Variants in ARMC10 observed in about 807,000 individuals in gnomAD.
ARMC10 encodes the protein armadillo repeat-containing protein 10.
In ARMC10, 23 loss-of-function variants were observed where a neutral mutation model predicts 30.2. That is an observed-to-expected ratio of 0.76 (90% CI 0.55 to 1.08). The LOEUF (loss-of-function observed/expected upper bound fraction) is 1.08. Among genes scored for constraint, ARMC10 ranks in the 50% least tolerant of loss-of-function variants. The pLI, the probability that ARMC10 is intolerant of heterozygous loss-of-function variation, is 0.00. For missense variants in ARMC10, 303 were observed against 413.7 expected (o/e 0.73, Z 2.32); for synonymous variants, 111 against 164.4 (o/e 0.68, Z 2.48).
intron 2 of ARMC10, chr7:103,083,089 A>G (rs1035382204): frequency 3.1e-5 from 14 of 456,612 alleles, no homozygotes; most frequent in Non-Finnish European, 5.7e-5. Flanking sequence ...GGATGGGTGT[A>G]CCTCGTTTTT....
intron 3 of ARMC10, among the ~76,000 whole-genome samples, chr7:103,084,931 G>A (rs1800702030): frequency 6.6e-6 from 1 of 152,172 alleles, no homozygotes; most frequent in Non-Finnish European, 1.5e-5. Context: ...ATTGAGGCCT[G>A]GTTCACATGA....
chr7:103,084,036 A>G (rs1800620919), intron 3 of ARMC10: 1 of 1,507,242 alleles, frequency 6.6e-7, no homozygotes, highest in Non-Finnish European at 8.9e-7. Context: ...ATAGATCCCT[A>G]TGAAGTTGGT....
At chr7:103,087,684 C>A in intron 4 of ARMC10, 2 of 772,120 alleles carry the variant, frequency 2.6e-6, no homozygotes, top group Non-Finnish European at 3.1e-6. Flanking sequence ...AACAAATAAC[C>A]AAACTTTATT....
chr7:103,098,267 TATAAA>T, intron 6 of ARMC10, 27 bp from the exon 7 acceptor site: 2 of 1,309,682 alleles, frequency 1.5e-6, no homozygotes, highest in Non-Finnish European at 2.0e-6. Flanking sequence ...ATATTATTAA[TATAAA>T]ATAATACTCA....
At chr7:103,081,977 T>C in intron 2 of ARMC10, 2 of 455,658 alleles carry the variant, frequency 4.4e-6, no homozygotes, top group Admixed American at 4.7e-5. Flanking sequence ...CCCTGTGACT[T>C]TAGGCAGATC....
intron 5 of ARMC10, among the ~76,000 whole-genome samples, chr7:103,094,694 C>T (rs944879608): frequency 6.7e-6 from 1 of 148,522 alleles, no homozygotes; most frequent in Non-Finnish European, 1.5e-5. Context: ...TGCTGATAGT[C>T]AGTCAGGCCA....
At chr7:103,079,392 A>C (rs1800178268) in intron 2 of ARMC10, among the ~76,000 whole-genome samples, 1 of 152,248 alleles carries the variant, frequency 6.6e-6, no homozygotes, top group Admixed American at 6.5e-5. Flanking sequence ...TAAGGAATAA[A>C]TAGAAGGAAA....
chr7:103,086,992 C>G lies in ARMC10; in HGVS notation c.528+228C>G. 8 of 1,234,814 alleles carry G rather than the reference C, an allele frequency of 6.5e-6. No homozygotes were observed. The South Asian group carries it at 1.1e-4, about 16-fold the overall frequency. 76.5% of individuals were successfully genotyped at this position (1,234,814 alleles called of 1,614,324 possible). A position where few individuals can be genotyped will look rare whatever the true frequency, so the allele number is the denominator to read the frequency against. On this transcript the variant is annotated intron_variant, in intron 4 of 6. Coordinates refer to ENST00000323716, the MANE Select transcript of ARMC10 (RefSeq NM_031905.5). Reference sequence around the variant, plus strand: ...AATGCTTGTTTATTCTACAGGTTATCCTCTACATCAGGGACAGGCACTGGT... The same window carrying G: ...AATGCTTGTTTATTCTACAGGTTATGCTCTACATCAGGGACAGGCACTGGT...
At chr7:103,080,056 A>G (rs575063632) in intron 2 of ARMC10, among the ~76,000 whole-genome samples, 1 of 152,290 alleles carries the variant, frequency 6.6e-6, no homozygotes, top group Non-Finnish European at 1.5e-5. Flanking sequence ...ACCACAAACC[A>G]CCGAGCCTAA....
At chr7:103,076,291 T>A (rs1449788270) in intron 2 of ARMC10, among the ~76,000 whole-genome samples, 2 of 152,242 alleles carry the variant, frequency 1.3e-5, no homozygotes, top group East Asian at 1.9e-4. Flanking sequence ...TTGCTACATG[T>A]AGTTTATCCT....
chr7:103,085,204 G>A (rs979539771), intron 3 of ARMC10, among the ~76,000 whole-genome samples: 6 of 151,954 alleles, frequency 3.9e-5, no homozygotes, highest in Non-Finnish European at 7.4e-5. Flanking sequence ...CTTGAGCAGC[G>A]GGGGTCAGTG....
At chr7:103,092,162 C>A (rs1801390552) in intron 4 of ARMC10, among the ~76,000 whole-genome samples, 1 of 151,918 alleles carries the variant, frequency 6.6e-6, no homozygotes, top group African/African-American at 2.4e-5. Flanking sequence ...GAAACCCCGT[C>A]TCTACTAAAA....
chr7:103,075,591 A>G (rs909043168), intron 1 of ARMC10, among the ~76,000 whole-genome samples, 180 bp downstream of exon 1: 4 of 152,248 alleles, frequency 2.6e-5, no homozygotes, highest in Non-Finnish European at 4.4e-5. Context: ...CTATACTGGT[A>G]TGAAAACTTG....
At chr7:103,080,938 T>C (rs1800326442) in intron 2 of ARMC10, among the ~76,000 whole-genome samples, 1 of 152,176 alleles carries the variant, frequency 6.6e-6, no homozygotes. Context: ...GCTCATTATA[T>C]TAATATACTA....
chr7:103,080,732 ATTC>A (rs1179033563), intron 2 of ARMC10, among the ~76,000 whole-genome samples: 1 of 151,652 alleles, frequency 6.6e-6, no homozygotes, highest in African/African-American at 2.4e-5. Context: ...GGTTCAAGCA[ATTC>A]TTCTACCTCA....
At chr7:103,083,874 C>T (rs372769891) in intron 3 of ARMC10, 44 bp downstream of exon 3, 5 of 1,599,666 alleles carry the variant, frequency 3.1e-6, no homozygotes, top group African/African-American at 2.7e-5. Context: ...CATTCTTACA[C>T]ACTAGCGGTA....
chr7:103,083,924 C>G (rs910669057), intron 3 of ARMC10, 94 bp downstream of exon 3: 106 of 1,526,138 alleles, frequency 6.9e-5, no homozygotes, highest in Admixed American at 1.1e-4. Context: ...CTCAGACCCT[C>G]AATTTCCTCA....
At chr7:103,084,067 G>A in intron 3 of ARMC10, 1 of 1,472,226 alleles carries the variant, frequency 6.8e-7, no homozygotes, top group Non-Finnish European at 9.0e-7. Flanking sequence ...ACATTCGTAA[G>A]TATATCTAAT....
At chr7:103,093,465 C>T (rs1801520709) in intron 5 of ARMC10, among the ~76,000 whole-genome samples, 2 of 152,154 alleles carry the variant, frequency 1.3e-5, no homozygotes, top group African/African-American at 2.4e-5. Context: ...TTTATGTTTC[C>T]AAGGTGTTTG....
Sources: gnomAD v4.1 joint callset for allele counts (sites outside exome capture counted in the v4.1 genomes callset) on GRCh38, gnomAD v4.1.1 for gene constraint, MANE v1.5 for transcripts, NCBI Gene and HGNC (gene_info 2026-07-23, HGNC 2026-07-21) for gene names.